DACH1: variants seen among roughly 807,000 people sequenced by gnomAD.
DACH1 encodes the protein dachshund homolog 1.
Under a neutral mutation model 54.2 loss-of-function variants are expected in DACH1, and 12 were observed. That is an observed-to-expected ratio of 0.22 (90% CI 0.14 to 0.36). The LOEUF (loss-of-function observed/expected upper bound fraction) is 0.36. Among genes scored for constraint, DACH1 ranks in the 10% least tolerant of loss-of-function variants. DACH1 has a pLI of 1.00. For missense variants in DACH1, 805 were observed against 929.8 expected, an observed-to-expected ratio of 0.87 and a Z score of 1.75; for synonymous variants, 386 against 366.2, an observed-to-expected ratio of 1.05 and a Z score of -0.62.
At chr13:71,749,340 T>C (rs1486588933) in intron 1 of DACH1, among the ~76,000 whole-genome samples, 1 of 152,074 alleles carries the variant, frequency 6.6e-6, no homozygotes, top group African/African-American at 2.4e-5. Context: ...GTGTGTAAAT[T>C]ATGAAGATTT....
chr13:71,496,185 C>T (rs561177827), intron 6 of DACH1, among the ~76,000 whole-genome samples: 21 of 147,504 alleles, frequency 1.4e-4, no homozygotes, highest in South Asian at 2.2e-4. Context: ...TTGCGGTGAG[C>T]GGAGATGGCA....
chr13:71,634,038 T>C (rs985880748), intron 2 of DACH1, among the ~76,000 whole-genome samples: 1 of 151,624 alleles, frequency 6.6e-6, no homozygotes, highest in Admixed American at 6.6e-5. Flanking sequence ...AATGGCGTGA[T>C]CTCTGCTCAC....
intron 1 of DACH1, among the ~76,000 whole-genome samples, chr13:71,833,967 A>G (rs1447226342): frequency 1.3e-5 from 2 of 152,012 alleles, no homozygotes; most frequent in Non-Finnish European, 2.9e-5. Flanking sequence ...CTTTTTATTC[A>G]TCAGTATAAG....
At chr13:71,613,286 AG>A (rs2138521326) in intron 3 of DACH1, among the ~76,000 whole-genome samples, 1 of 152,344 alleles carries the variant, frequency 6.6e-6, no homozygotes, top group Non-Finnish European at 1.5e-5. Context: ...CCAGTGTGGC[AG>A]GAAGAATGAA....
intron 1 of DACH1, among the ~76,000 whole-genome samples, chr13:71,708,919 C>T (rs1252821100): frequency 2.2e-5 from 3 of 137,614 alleles, no homozygotes; most frequent in Non-Finnish European, 4.6e-5. Context: ...GTGGCGCGAT[C>T]TCGGCTCACT....
chr13:71,695,900 A>G (rs1182846315), intron 1 of DACH1, among the ~76,000 whole-genome samples: 1 of 152,172 alleles, frequency 6.6e-6, no homozygotes, highest in African/African-American at 2.4e-5. Context: ...TTGAGTGTTT[A>G]AAATAGGGCC....
At chr13:71,836,558 A>G (rs1250579974) in intron 1 of DACH1, among the ~76,000 whole-genome samples, 1 of 152,100 alleles carries the variant, frequency 6.6e-6, no homozygotes, top group Non-Finnish European at 1.5e-5. Flanking sequence ...ACTTGTAGAT[A>G]ATGCAAAGCT....
intron 1 of DACH1, among the ~76,000 whole-genome samples, chr13:71,800,233 A>T (rs1887236724): frequency 2.6e-5 from 4 of 152,146 alleles, no homozygotes; most frequent in Admixed American, 2.6e-4. Context: ...TAAGAACAAC[A>T]TCTGAGAAAG....
At chr13:71,600,209 G>A (rs756031876) in intron 3 of DACH1, among the ~76,000 whole-genome samples, 25 of 152,058 alleles carry the variant, frequency 1.6e-4, no homozygotes, top group Non-Finnish European at 3.5e-4. Flanking sequence ...CAAATCCTTC[G>A]AAAGACAGTA....
chr13:71,711,064 G>T (rs1434189167), intron 1 of DACH1, among the ~76,000 whole-genome samples: 1 of 152,090 alleles, frequency 6.6e-6, no homozygotes. Flanking sequence ...AAGAAAACAG[G>T]ATTGCAAAGC....
intron 6 of DACH1, among the ~76,000 whole-genome samples, chr13:71,505,684 A>T (rs1347858235): frequency 6.6e-6 from 1 of 152,196 alleles, no homozygotes; most frequent in Admixed American, 6.6e-5. Flanking sequence ...AGGCAAATAA[A>T]TAAGTTTATT....
chr13:71,824,769 G>A (rs925054557), intron 1 of DACH1, among the ~76,000 whole-genome samples: 11 of 151,954 alleles, frequency 7.2e-5, no homozygotes, highest in Admixed American at 7.2e-4. Flanking sequence ...CACAATGGAG[G>A]AATTTGTCCT....
At position 71,693,521 on chromosome 13, in the gene DACH1, T is replaced by C. The variant is rs538521286; in HGVS notation, c.849-11611A>G. Among the ~76,000 whole-genome samples the C allele has an allele frequency of 8.9e-5, 13 of 146,250 alleles. No homozygotes were observed. The South Asian group carries it at 2.7e-3, about 30-fold the overall frequency. On this transcript the variant is annotated intron_variant, in intron 1 of 10. Transcript: ENST00000613252. ...TTTTAGTAGAGACGGGGTTTCACTG[T>C]GTTAGCCAGGATGGTCTCGATCTCC...
intron 4 of DACH1, among the ~76,000 whole-genome samples, chr13:71,561,805 A>T (rs568684172): frequency 3.3e-5 from 5 of 152,280 alleles, no homozygotes; most frequent in African/African-American, 7.2e-5. Context: ...TTAATTTTTC[A>T]ATGATGTACA....
At chr13:71,571,498 A>ATCAGT (rs1885194381) in intron 4 of DACH1, among the ~76,000 whole-genome samples, 2 of 152,160 alleles carry the variant, frequency 1.3e-5, no homozygotes, top group South Asian at 4.1e-4. Context: ...AGGTCTTTTT[A>ATCAGT]TCAGTTCCTT....
At chr13:71,783,142 C>T (rs181973053) in intron 1 of DACH1, among the ~76,000 whole-genome samples, 1 of 152,204 alleles carries the variant, frequency 6.6e-6, no homozygotes, top group East Asian at 1.9e-4. Context: ...AAAGGAGTTA[C>T]AACACTATCA....
Position 71,619,635 on chromosome 13 carries a change from A to G in DACH1, c.1126+10921T>C, listed in dbSNP as rs149283572. ...ATATTTTCCCAAAATAAAATAATTA[A>G]GAAAACAGATTACAAAAATGAATAT... On this transcript the variant is annotated intron_variant, in intron 3 of 10. Transcript: ENST00000613252. Among the ~76,000 whole-genome samples, 622 of 152,110 alleles carry G rather than the reference A, an allele frequency of 4.1e-3. 2 individuals carry two copies. The highest frequency in any genetic ancestry group is 0.014 in the African/African-American group (580 of 41,572).
intron 6 of DACH1, among the ~76,000 whole-genome samples, chr13:71,537,561 T>C (rs1882886927): frequency 6.6e-6 from 1 of 152,038 alleles, no homozygotes; most frequent in Admixed American, 6.6e-5. Flanking sequence ...AAGGCAGAAG[T>C]AGGGAAAAGC....
intron 1 of DACH1, among the ~76,000 whole-genome samples, chr13:71,836,576 A>G (rs955565492): frequency 6.6e-6 from 1 of 152,118 alleles, no homozygotes; most frequent in Non-Finnish European, 1.5e-5. Flanking sequence ...GCTTTATAGC[A>G]TTAACTCTGA....
Sources: gnomAD v4.1 joint callset for allele counts (sites outside exome capture counted in the v4.1 genomes callset) on GRCh38, gnomAD v4.1.1 for gene constraint, MANE v1.5 for transcripts, NCBI Gene and HGNC (gene_info 2026-07-23, HGNC 2026-07-21) for gene names.